The following NRXN3 variants were observed in gnomAD, a reference collection of about 807,000 sequenced individuals.
The protein encoded by NRXN3 is neurexin III.
Under a neutral mutation model 137.6 loss-of-function variants are expected in NRXN3, and 32 were observed. The ratio of observed to expected loss-of-function variants is 0.23; its 90% confidence interval spans 0.18 to 0.31. NRXN3 has a LOEUF of 0.31. NRXN3 is among the 10% of genes least tolerant of loss of function. The pLI, the probability that NRXN3 is intolerant of heterozygous loss-of-function variation, is 1.00. For synonymous variants in NRXN3, 798 were observed against 784.5 expected (o/e 1.02, Z -0.29); for missense variants, 1,574 against 2,062.5 (o/e 0.76, Z 4.59).
At chr14:78,387,383 C>G (rs954763486) in intron 4 of NRXN3, among the ~76,000 whole-genome samples, 2 of 152,110 alleles carry the variant, frequency 1.3e-5, no homozygotes, top group African/African-American at 4.8e-5. Flanking sequence ...AAACACTTAT[C>G]TAGAAGACGC....
intron 4 of NRXN3, among the ~76,000 whole-genome samples, chr14:78,368,271 T>C (rs1034618206): frequency 2.0e-5 from 3 of 152,218 alleles, no homozygotes; most frequent in African/African-American, 7.2e-5. Context: ...AGAAAGTAAC[T>C]GCAGTTACTG....
At chr14:79,399,796 A>G (rs568898223) in intron 15 of NRXN3, among the ~76,000 whole-genome samples, 2 of 152,308 alleles carry the variant, frequency 1.3e-5, no homozygotes, top group Non-Finnish European at 2.9e-5. Context: ...AGTTTCTCCC[A>G]GTTCGGGAGA....
chr14:79,521,497 A>C (rs2097064353), intron 16 of NRXN3, among the ~76,000 whole-genome samples: 1 of 152,134 alleles, frequency 6.6e-6, no homozygotes, highest in Admixed American at 6.6e-5. Context: ...TCATTTGAAA[A>C]ATATTGGGAA....
intron 4 of NRXN3, among the ~76,000 whole-genome samples, chr14:78,440,019 G>A (rs72681551): frequency 0.026 from 3,962 of 152,244 alleles, 179 homozygotes; most frequent in Admixed American, 0.13. Context: ...GGCATTGCCC[G>A]CATTCCCCAC....
In NRXN3 at chr14:78,816,374, C is replaced by T. The variant is rs142448534; in HGVS notation, c.2275+6030C>T. Reference sequence around the variant, plus strand: ...AACATATAATTATATCCACGTTCTTCTCCTTTTCTTCTTTCTGCTCCTCCT... The same window carrying T: ...AACATATAATTATATCCACGTTCTTTTCCTTTTCTTCTTTCTGCTCCTCCT... On this transcript the variant is annotated intron_variant, in intron 10 of 20. Coordinates refer to ENST00000335750, the MANE Select transcript of NRXN3 (RefSeq NM_001330195.2). Among the ~76,000 whole-genome samples, 149 of 152,184 alleles carry T rather than the reference C, an allele frequency of 9.8e-4. 2 individuals carry two copies. The East Asian group carries it at 0.026, about 26-fold the overall frequency.
intron 10 of NRXN3, among the ~76,000 whole-genome samples, chr14:78,930,966 T>C (rs570704722): frequency 6.6e-6 from 1 of 152,228 alleles, no homozygotes; most frequent in South Asian, 2.1e-4. Context: ...CACACATAAT[T>C]TGAATATAAA....
At chr14:79,305,502 T>G (rs1487935796) in intron 15 of NRXN3, among the ~76,000 whole-genome samples, 3 of 152,030 alleles carry the variant, frequency 2.0e-5, no homozygotes, top group African/African-American at 7.2e-5. Context: ...ATGGAAGGAA[T>G]CATAGAGGTC....
intron 6 of NRXN3, among the ~76,000 whole-genome samples, chr14:78,704,774 T>G (rs1242110588): frequency 6.6e-6 from 1 of 152,168 alleles, no homozygotes; most frequent in Non-Finnish European, 1.5e-5. Flanking sequence ...AAAATGGGGC[T>G]AATGCTACCT....
At chr14:78,944,499 A>C (rs761895472) in intron 10 of NRXN3, among the ~76,000 whole-genome samples, 5 of 152,222 alleles carry the variant, frequency 3.3e-5, no homozygotes, top group Non-Finnish European at 5.9e-5. Context: ...GTCTTTGCAC[A>C]TGCAATTAGT....
intron 6 of NRXN3, chr14:78,695,225 A>C (rs377068253): frequency 4.6e-5 from 7 of 151,978 alleles, no homozygotes; most frequent in African/African-American, 1.5e-4. Flanking sequence ...TTTAGGGTCC[A>C]CCTGGAGAAT....
At chr14:79,321,053 T>C (rs1405866684) in intron 15 of NRXN3, among the ~76,000 whole-genome samples, 1 of 152,202 alleles carries the variant, frequency 6.6e-6, no homozygotes, top group Non-Finnish European at 1.5e-5. Context: ...GATGATATTC[T>C]TTATACCAGT....
At chr14:79,227,755 T>TTCCG (rs1205820347) in intron 15 of NRXN3, among the ~76,000 whole-genome samples, 14 of 98,622 alleles carry the variant, frequency 1.4e-4, no homozygotes, top group African/African-American at 4.7e-4. Context: ...CCTTCCTTCC[T>TTCCG]TCCTTCCTTC....
intron 4 of NRXN3, among the ~76,000 whole-genome samples, chr14:78,562,913 T>C (rs2096800717): frequency 6.6e-6 from 1 of 152,230 alleles, no homozygotes; most frequent in African/African-American, 2.4e-5. Context: ...TAAGTAATTT[T>C]TCTAGTTAAG....
At chr14:78,487,639 G>A (rs755796563) in intron 4 of NRXN3, among the ~76,000 whole-genome samples, 2 of 151,918 alleles carry the variant, frequency 1.3e-5, no homozygotes, top group African/African-American at 2.4e-5. Context: ...CTACTCAGGA[G>A]GCTAAGGCAT....
intron 15 of NRXN3, among the ~76,000 whole-genome samples, chr14:79,139,363 T>C (rs1488523334): frequency 3.3e-5 from 5 of 152,206 alleles, no homozygotes; most frequent in Admixed American, 3.3e-4. Context: ...TAGGCCTGCA[T>C]ATATGCATGC....
intron 10 of NRXN3, among the ~76,000 whole-genome samples, chr14:78,923,423 T>C (rs31352): frequency 0.33 from 50,181 of 152,162 alleles, 10,424 homozygotes; most frequent in African/African-American, 0.58. Context: ...GCAAACTACC[T>C]TCTTATCTTC....
chr14:79,664,485 T>G (rs1398361971), intron 17 of NRXN3, among the ~76,000 whole-genome samples: 10 of 152,146 alleles, frequency 6.6e-5, no homozygotes, highest in Admixed American at 5.2e-4. Flanking sequence ...TTTTATTTTC[T>G]CACTTACCCT....
intron 15 of NRXN3, among the ~76,000 whole-genome samples, chr14:79,042,183 A>T (rs919824761): frequency 6.6e-6 from 1 of 152,212 alleles, no homozygotes; most frequent in Non-Finnish European, 1.5e-5. Flanking sequence ...GGGACCTGTC[A>T]GTCTTCCTTA....
chr14:79,778,644 G>C (rs7159053), intron 19 of NRXN3, among the ~76,000 whole-genome samples: 7 of 151,814 alleles, frequency 4.6e-5, no homozygotes, highest in Admixed American at 4.6e-4. Context: ...CCTTTTAAAA[G>C]AAGGGCAGGG....
Sources: gnomAD v4.1 joint callset for allele counts (sites outside exome capture counted in the v4.1 genomes callset) on GRCh38, gnomAD v4.1.1 for gene constraint, MANE v1.5 for transcripts, NCBI Gene and HGNC (gene_info 2026-07-23, HGNC 2026-07-21) for gene names.